The following DCT variants were observed in gnomAD, a reference collection of about 807,000 sequenced individuals.
The protein encoded by DCT is L-dopachrome tautomerase.
A neutral mutation model predicts 53.0 loss-of-function variants in DCT; 47 were observed. The observed-to-expected ratio is 0.89, with a 90% CI of 0.70 to 1.13. DCT has a LOEUF of 1.13. Ranked by LOEUF, DCT falls within the 50% of genes most tolerant of loss-of-function variation. DCT has a pLI of 0.00. For synonymous variants in DCT, 244 were observed against 237.0 expected, an observed-to-expected ratio of 1.03 and a Z score of -0.27; for missense variants, 669 against 637.4, an observed-to-expected ratio of 1.05 and a Z score of -0.53.
At chr13:94,455,128 A>G (rs1005765619) in intron 6 of DCT, among the ~76,000 whole-genome samples, 4 of 152,184 alleles carry the variant, frequency 2.6e-5, no homozygotes, top group Non-Finnish European at 5.9e-5. Flanking sequence ...TGACTCACCC[A>G]GTGCTTTGGG....
At chr13:94,451,799 T>C (rs1883111846) in intron 6 of DCT, among the ~76,000 whole-genome samples, 2 of 152,196 alleles carry the variant, frequency 1.3e-5, no homozygotes, top group South Asian at 4.1e-4. Flanking sequence ...AATACATCTT[T>C]ACATGACCAG....
chr13:94,445,766 T>C, intron 6 of DCT: 1 of 1,571,282 alleles, frequency 6.4e-7, no homozygotes, highest in Non-Finnish European at 8.7e-7. Flanking sequence ...TCTTTTCTGT[T>C]GAGACACAAA....
At chr13:94,440,269 G>GAA (rs1882194997) in intron 7 of DCT, among the ~76,000 whole-genome samples, 193 bp from the exon 8 acceptor site, 1 of 152,158 alleles carries the variant, frequency 6.6e-6, no homozygotes. Context: ...GGGGTAGTCA[G>GAA]AACTGGCATC....
At chr13:94,465,001 C>T (rs1185744986) in intron 4 of DCT, among the ~76,000 whole-genome samples, 1 of 151,998 alleles carries the variant, frequency 6.6e-6, no homozygotes, top group African/African-American at 2.4e-5. Flanking sequence ...CACTGCCCTC[C>T]CACACTCCCC....
chr13:94,468,583 T>C, intron 2 of DCT, 163 bp downstream of exon 2: 2 of 668,010 alleles, frequency 3.0e-6, no homozygotes, highest in South Asian at 1.9e-5. Context: ...ACTGCTTCCT[T>C]CTAACTCCAG....
intron 7 of DCT, among the ~76,000 whole-genome samples, chr13:94,441,329 T>A (rs999431716): frequency 7.9e-5 from 12 of 152,232 alleles, no homozygotes; most frequent in Admixed American, 2.6e-4. Flanking sequence ...CTTAGTTTTT[T>A]AAAAAATTAT....
At chr13:94,485,182 T>C in the DCT span, among the ~76,000 whole-genome samples, 1 of 152,156 alleles carries the variant, frequency 6.6e-6, no homozygotes, top group African/African-American at 2.4e-5. Flanking sequence ...TTGAACATCC[T>C]GAAATTGTGA....
chr13:94,500,971 C>T, the DCT span, among the ~76,000 whole-genome samples: 1 of 151,974 alleles, frequency 6.6e-6, no homozygotes. Context: ...TTTTTAGTTT[C>T]TTTTTTTTCT....
In DCT at chr13:94,438,474, A is replaced by G; in HGVS notation, c.*1424T>C. 4 of 386,008 alleles carry G rather than the reference A, an allele frequency of 1.0e-5. No individual in the cohort carries two copies. The highest frequency in any genetic ancestry group is 7.8e-5 in the South Asian group (4 of 51,170). The allele number at this position is 386,008 out of a possible 1,614,324, so 23.9% of individuals were successfully genotyped here. A position where few individuals can be genotyped will look rare whatever the true frequency, so the allele number is the denominator to read the frequency against. Reference sequence around the variant, plus strand: ...TAAACTGGTTCTTGATGAGTCTTGCACCCTCTAGGACCCCTTATGTTGAAG... The same window carrying G: ...TAAACTGGTTCTTGATGAGTCTTGCGCCCTCTAGGACCCCTTATGTTGAAG... On this transcript the variant is annotated 3_prime_UTR_variant, in exon 8 of 8. Transcript: ENST00000377028.
chr13:94,499,370 G>A, the DCT span, among the ~76,000 whole-genome samples: 1 of 151,974 alleles, frequency 6.6e-6, no homozygotes, highest in African/African-American at 2.4e-5. Flanking sequence ...TTAAAACTTG[G>A]CATAAATATT....
At chr13:94,452,381 G>A (rs1373291454) in intron 6 of DCT, among the ~76,000 whole-genome samples, 1 of 152,172 alleles carries the variant, frequency 6.6e-6, no homozygotes, top group Non-Finnish European at 1.5e-5. Context: ...TTGCTAAAAT[G>A]CCTTTTCACC....
chr13:94,547,985 AT>A, the DCT span, among the ~76,000 whole-genome samples: 15,823 of 62,666 alleles, frequency 0.25, 1,319 homozygotes, highest in Non-Finnish European at 0.27. Flanking sequence ...AAAAAAAAAA[AT>A]ATATATATAT....
chr13:94,440,641 C>T (rs1882223686), intron 7 of DCT, among the ~76,000 whole-genome samples: 1 of 149,684 alleles, frequency 6.7e-6, no homozygotes, highest in Admixed American at 6.7e-5. Context: ...ATTTTATAAG[C>T]TCTCTTCCAC....
chr13:94,483,860 G>A (rs1885552288), upstream of DCT, among the ~76,000 whole-genome samples: 1 of 152,058 alleles, frequency 6.6e-6, no homozygotes, highest in Non-Finnish European at 1.5e-5. Context: ...GGACAACACA[G>A]TTCACGATTT....
chr13:94,449,893 G>T (rs1244629997), intron 6 of DCT, among the ~76,000 whole-genome samples: 1 of 152,128 alleles, frequency 6.6e-6, no homozygotes, highest in Non-Finnish European at 1.5e-5. Flanking sequence ...GCCACAAGGA[G>T]GTGGGTACTA....
the DCT span, among the ~76,000 whole-genome samples, chr13:94,518,156 ATG>A: frequency 0.073 from 9,830 of 135,292 alleles, 434 homozygotes; most frequent in Middle Eastern, 0.12. Flanking sequence ...GAAGGAAGGA[ATG>A]AAGGAAGGAA....
intron 6 of DCT, among the ~76,000 whole-genome samples, chr13:94,455,243 A>G (rs1883332274): frequency 6.6e-6 from 1 of 152,086 alleles, no homozygotes; most frequent in Non-Finnish European, 1.5e-5. Context: ...AAAGCTGAGC[A>G]TGGTGGTATG....
At chr13:94,532,517 T>C in the DCT span, among the ~76,000 whole-genome samples, 1 of 152,206 alleles carries the variant, frequency 6.6e-6, no homozygotes, top group Non-Finnish European at 1.5e-5. Context: ...GCCATCATTC[T>C]CAGCAAACTA....
At chr13:94,506,545 TA>T in the DCT span, among the ~76,000 whole-genome samples, 7 of 152,036 alleles carry the variant, frequency 4.6e-5, no homozygotes, top group East Asian at 1.2e-3. Flanking sequence ...AATAAACACA[TA>T]AAAAAATTAA....
Sources: allele counts gnomAD v4.1 joint callset (sites outside exome capture counted in the v4.1 genomes callset), GRCh38; gene constraint gnomAD v4.1.1; transcripts MANE v1.5; gene names NCBI Gene and HGNC (gene_info 2026-07-23, HGNC 2026-07-21).